The following FHOD3 variants were observed in gnomAD, a reference collection of about 807,000 sequenced individuals.
The protein encoded by FHOD3 is formin homology 2 domain containing 3.
A neutral mutation model predicts 173.0 loss-of-function variants in FHOD3; 90 were observed. That is an observed-to-expected ratio of 0.52 (90% CI 0.44 to 0.62). The LOEUF (loss-of-function observed/expected upper bound fraction) is 0.62. Among genes scored for constraint, FHOD3 ranks in the 20% least tolerant of loss-of-function variants. The pLI, the probability that FHOD3 is intolerant of heterozygous loss-of-function variation, is 0.00. For missense variants in FHOD3, 1,945 were observed against 2,034.7 expected (o/e 0.96, Z 0.85); for synonymous variants, 828 against 823.0 (o/e 1.01, Z -0.10).
At chr18:36,337,172 A>AG (rs202022429) in intron 1 of FHOD3, among the ~76,000 whole-genome samples, 46,714 of 138,198 alleles carry the variant, frequency 0.34, 8,403 homozygotes, top group Non-Finnish European at 0.46. Context: ...ACTCTGTCTC[A>AG]AAAAAAAAAA....
intron 6 of FHOD3, among the ~76,000 whole-genome samples, chr18:36,582,227 A>G (rs2058877684): frequency 1.3e-5 from 2 of 152,172 alleles, no homozygotes; most frequent in South Asian, 2.1e-4. Context: ...CTGATGGGCA[A>G]GGAGAGGAGA....
At chr18:36,762,713 T>G (rs1350658913) in intron 27 of FHOD3, among the ~76,000 whole-genome samples, 1 of 151,676 alleles carries the variant, frequency 6.6e-6, no homozygotes, top group Admixed American at 6.6e-5. Context: ...GGAGAATTGC[T>G]TGAACCTTGG....
rs1341555000 is a variant in FHOD3, at chr18:36,588,304, TAAAG to T, written c.607-6481_607-6478del. On this transcript the variant is annotated intron_variant, in intron 6 of 28. Transcript: ENST00000590592. ...ATGGCATTGAGATACAATGTTTAAA[TAAAG>T]AGTTTGTATCCTAAGTCACTTGAGA... is the stretch of plus-strand genomic sequence containing the variant. Among the ~76,000 whole-genome samples the T allele has an allele frequency of 2.0e-5, 3 of 152,192 alleles. No homozygotes were observed. The East Asian group carries it at 5.8e-4, about 29-fold the overall frequency.
intron 3 of FHOD3, among the ~76,000 whole-genome samples, chr18:36,390,586 T>C (rs2048256158): frequency 6.6e-6 from 1 of 152,232 alleles, no homozygotes; most frequent in South Asian, 2.1e-4. Flanking sequence ...GAAAACACTT[T>C]TTTTGAATAA....
At chr18:36,352,282 A>C (rs1376141373) in intron 1 of FHOD3, among the ~76,000 whole-genome samples, 1 of 152,138 alleles carries the variant, frequency 6.6e-6, no homozygotes, top group African/African-American at 2.4e-5. Flanking sequence ...AAAATAAAAG[A>C]AATTTAAAAT....
chr18:36,771,610 T>C (rs536255900), intron 28 of FHOD3, among the ~76,000 whole-genome samples: 2 of 152,230 alleles, frequency 1.3e-5, no homozygotes, highest in South Asian at 2.1e-4. Flanking sequence ...TTGCCCTTTA[T>C]TGGCTTCCTG....
In FHOD3 at chr18:36,612,106, A is replaced by G. The variant is rs545198325; in HGVS notation, c.957+11A>G. 1.9e-6 allele frequency: 3 copies of G among 1,611,384 alleles called. No individual in the cohort carries two copies. In the African/African-American group the frequency reaches 4.0e-5, roughly 22 times the overall value. On this transcript the variant is annotated intron_variant, in intron 9 of 28. Coordinates refer to ENST00000590592, the MANE Select transcript of FHOD3 (RefSeq NM_001281740.3). ...CTCAACATTTATGAGGTACCAGACCATGCCTTTTGTAAGGTATCGTACAGC... is the reference window on the plus strand; with the variant it reads ...CTCAACATTTATGAGGTACCAGACCGTGCCTTTTGTAAGGTATCGTACAGC...
chr18:36,652,565 A>C lies in FHOD3; in HGVS notation c.1287-5A>C, dbSNP rs2036135044. 6.6e-7 allele frequency: 1 copy of C among 1,521,122 alleles called. No homozygotes were observed. The highest frequency in any genetic ancestry group is 1.2e-5 in the South Asian group (1 of 83,576). The allele number at this position is 1,521,122 out of a possible 1,614,324, so 94.2% of individuals were successfully genotyped here. A position where few individuals can be genotyped will look rare whatever the true frequency, so the allele number is the denominator to read the frequency against. ...TCTTCCTCCTCCTCCCTGCTGGCCC[A>C]ACAGCAAGGTCGGCGCTGCCTCAGG... On this transcript the variant is annotated splice_polypyrimidine_tract_variant and splice_region_variant and intron_variant, in intron 11 of 28. Transcript: ENST00000590592.
At chr18:36,736,340 G>T (rs974225008) in intron 20 of FHOD3, among the ~76,000 whole-genome samples, 2 of 152,226 alleles carry the variant, frequency 1.3e-5, no homozygotes, top group African/African-American at 4.8e-5. Context: ...ATGTGAGGTG[G>T]TTGCTCTCCA....
rs544230275 is a variant in FHOD3 at position 36,692,111 on chromosome 18, A to T, written c.2022-1098A>T. Among the ~76,000 whole-genome samples the T allele has an allele frequency of 6.0e-4, 92 of 152,366 alleles. 2 individuals carry two copies. Among genetic ancestry groups the T allele is most frequent in the South Asian group, 3.1e-3 (15 of 4,828 alleles). ...AAGGGTGGACTGCCTTTGGGCTGGCAGGGAAAAGGGGTGAGGATTACAGAT... is the reference window on the plus strand; with the variant it reads ...AAGGGTGGACTGCCTTTGGGCTGGCTGGGAAAAGGGGTGAGGATTACAGAT... On this transcript the variant is annotated intron_variant, in intron 16 of 28. Coordinates refer to ENST00000590592, the MANE Select transcript of FHOD3 (RefSeq NM_001281740.3).
At chr18:36,329,265 C>A (rs551246063) in intron 1 of FHOD3, among the ~76,000 whole-genome samples, 1 of 152,162 alleles carries the variant, frequency 6.6e-6, no homozygotes, top group African/African-American at 2.4e-5. Flanking sequence ...ACACAAGCAC[C>A]TCTGTCTCGT....
chr18:36,653,230 C>A, intron 12 of FHOD3, 112 bp from the exon 13 acceptor site: 1 of 834,858 alleles, frequency 1.2e-6, no homozygotes, highest in Non-Finnish European at 1.8e-6. Flanking sequence ...CAAATTTATA[C>A]ATCTTGTACC....
chr18:36,678,384 A>G lies in FHOD3; in HGVS notation c.1836-3052A>G, dbSNP rs1293468332. ...AAACCCCAACTCTACAAAAAACACA[A>G]AAATTAAATGGGCATGATGGTGCAT... On this transcript the variant is annotated intron_variant, in intron 14 of 28. Coordinates refer to ENST00000590592, the MANE Select transcript of FHOD3 (RefSeq NM_001281740.3). Among the ~76,000 whole-genome samples, 4 of 152,030 alleles carry G rather than the reference A, an allele frequency of 2.6e-5. No individual in the cohort carries two copies. The East Asian group carries it at 7.7e-4, about 29-fold the overall frequency.
At chr18:36,358,927 C>G (rs905421431) in intron 2 of FHOD3, among the ~76,000 whole-genome samples, 6 of 152,152 alleles carry the variant, frequency 3.9e-5, no homozygotes, top group African/African-American at 1.4e-4. Flanking sequence ...CATAGCTACA[C>G]ATTTGACAAG....
chr18:36,501,817 A>C, intron 3 of FHOD3, 115 bp from the exon 4 acceptor site: 1 of 692,326 alleles, frequency 1.4e-6, no homozygotes, highest in Non-Finnish European at 2.4e-6. Context: ...GAATGAAATG[A>C]ATAGGCTTTC....
intron 1 of FHOD3, among the ~76,000 whole-genome samples, chr18:36,340,206 AAG>A (rs1464744659): frequency 6.6e-6 from 1 of 152,254 alleles, no homozygotes; most frequent in Non-Finnish European, 1.5e-5. Flanking sequence ...GAGAATCAGT[AAG>A]AGTTATCCTA....
At chr18:36,589,684 T>C (rs764428621) in intron 6 of FHOD3, among the ~76,000 whole-genome samples, 2 of 152,118 alleles carry the variant, frequency 1.3e-5, no homozygotes, top group Non-Finnish European at 2.9e-5. Flanking sequence ...GCAAAGGCCT[T>C]AGTAAGTGGC....
At chr18:36,654,292 C>G (rs2036263295) in intron 13 of FHOD3, among the ~76,000 whole-genome samples, 1 of 152,146 alleles carries the variant, frequency 6.6e-6, no homozygotes, top group South Asian at 2.1e-4. Flanking sequence ...AGACCTTTCA[C>G]CTAATAAATA....
chr18:36,689,961 AT>A (rs1293129760), intron 16 of FHOD3, among the ~76,000 whole-genome samples: 1 of 152,180 alleles, frequency 6.6e-6, no homozygotes, highest in African/African-American at 2.4e-5. Flanking sequence ...GAATTTCCAA[AT>A]AGAAGTGTGG....
Sources: allele counts gnomAD v4.1 joint callset (sites outside exome capture counted in the v4.1 genomes callset), GRCh38; gene constraint gnomAD v4.1.1; transcripts MANE v1.5; gene names NCBI Gene and HGNC (gene_info 2026-07-23, HGNC 2026-07-21).